CPXM2: variants seen among roughly 807,000 people sequenced by gnomAD.
CPXM2 encodes carboxypeptidase X, M14 family member 2.
In CPXM2, 66 loss-of-function variants were observed where a neutral mutation model predicts 86.1. The ratio of observed to expected loss-of-function variants is 0.77; its 90% CI spans 0.63 to 0.94. The LOEUF (loss-of-function observed/expected upper bound fraction) is 0.94. Ranked by LOEUF, CPXM2 falls within the 40% of genes least tolerant of loss-of-function variation. CPXM2 has a pLI of 0.00. For missense variants in CPXM2, 948 were observed against 1,026.3 expected (o/e 0.92, Z 1.04); for synonymous variants, 388 against 400.2 (o/e 0.97, Z 0.36).
At chr10:123,833,843 C>T (rs1848219688) in intron 4 of CPXM2, among the ~76,000 whole-genome samples, 1 of 152,176 alleles carries the variant, frequency 6.6e-6, no homozygotes, top group Admixed American at 6.5e-5. Context: ...GGGGTAGGGG[C>T]AGTGCTGGCA....
intron 13 of CPXM2, chr10:123,751,782 A>C (rs1781400897): frequency 1.0e-6 from 1 of 985,366 alleles, no homozygotes; most frequent in South Asian, 4.7e-5. Flanking sequence ...GAGAACCGAA[A>C]GATTCTGAAA....
intron 13 of CPXM2, among the ~76,000 whole-genome samples, chr10:123,749,519 CCTG>C (rs1260835268): frequency 2.6e-5 from 4 of 152,216 alleles, no homozygotes; most frequent in Non-Finnish European, 5.9e-5. Flanking sequence ...ACTCCCTAAA[CCTG>C]CTGTTATCGC....
At chr10:123,836,240 A>C (rs1336115234) in intron 4 of CPXM2, among the ~76,000 whole-genome samples, 2 of 152,026 alleles carry the variant, frequency 1.3e-5, no homozygotes, top group Non-Finnish European at 2.9e-5. Context: ...CCCTGACCCC[A>C]GTCATCAACT....
At position 123,761,923 on chromosome 10, in the gene CPXM2, G is replaced by T. The variant is rs1399087173; in HGVS notation, c.1726C>A (p.Gln576Lys). Reference protein sequence around the residue: ...RRRVCHTEDFQKEEGTVNGAS... With the variant: ...RRRVCHTEDFKKEEGTVNGAS... Reference sequence around the variant, plus strand: ...CCATTGACAGTGCCCTCCTCCTTCTGGAAGTCCTCCGTGTGGCACACCCTC... The same window carrying T: ...CCATTGACAGTGCCCTCCTCCTTCTTGAAGTCCTCCGTGTGGCACACCCTC... Residue 576 changes from glutamine to lysine, a missense_variant, in exon 11 of 14, where the codon CAG becomes AAG. Coordinates refer to ENST00000241305, the MANE Select transcript of CPXM2 (RefSeq NM_198148.3). 1.2e-6 allele frequency: 2 copies of T among 1,613,780 alleles called. No individual in the cohort carries two copies. The highest frequency in any genetic ancestry group is 3.3e-5 in the Admixed American group (2 of 59,974).
intron 4 of CPXM2, among the ~76,000 whole-genome samples, chr10:123,840,945 T>G (rs112125301): frequency 0.028 from 4,326 of 152,322 alleles, 79 homozygotes; most frequent in African/African-American, 0.053. Context: ...TCTGATTTTA[T>G]TTGATTGCCA....
chr10:123,856,310 C>A (rs770561448), intron 3 of CPXM2, among the ~76,000 whole-genome samples: 49 of 152,210 alleles, frequency 3.2e-4, no homozygotes, highest in Admixed American at 2.0e-4. Context: ...CCCTCTGACA[C>A]GGCAGTGCTT....
chr10:123,765,286 C>CTATCTAATCT (rs1846442986), intron 10 of CPXM2, among the ~76,000 whole-genome samples: 1 of 152,208 alleles, frequency 6.6e-6, no homozygotes, highest in African/African-American at 2.4e-5. Context: ...GATTTCTTAT[C>CTATCTAATCT]TATCTAATCT....
chr10:123,783,182 A>T (rs1846973717), intron 6 of CPXM2, among the ~76,000 whole-genome samples: 1 of 152,284 alleles, frequency 6.6e-6, no homozygotes, highest in Non-Finnish European at 1.5e-5. Flanking sequence ...AAGAAGTAAC[A>T]AGAAATAGAA....
intron 3 of CPXM2, among the ~76,000 whole-genome samples, chr10:123,849,437 C>CTTTTTTT (rs11317738): frequency 9.1e-6 from 1 of 110,172 alleles, no homozygotes; most frequent in Non-Finnish European, 1.8e-5. Context: ...AACGTTCACT[C>CTTTTTTT]TTTTTTTTTT....
intron 2 of CPXM2, among the ~76,000 whole-genome samples, chr10:123,870,292 T>C (rs996428598): frequency 6.6e-6 from 1 of 152,148 alleles, no homozygotes; most frequent in Non-Finnish European, 1.5e-5. Flanking sequence ...TGCTTGATGG[T>C]GTTTGGGGTC....
At chr10:123,811,821 CAT>C (rs1270416879) in intron 4 of CPXM2, among the ~76,000 whole-genome samples, 1 of 151,188 alleles carries the variant, frequency 6.6e-6, no homozygotes, top group Admixed American at 6.6e-5. Flanking sequence ...GGCAAATAAA[CAT>C]AGGAAAGGAA....
intron 4 of CPXM2, among the ~76,000 whole-genome samples, chr10:123,804,558 G>A (rs1413761855): frequency 6.6e-6 from 1 of 152,092 alleles, no homozygotes; most frequent in East Asian, 1.9e-4. Context: ...TTTGTACCCA[G>A]CTACCTTGTT....
At chr10:123,830,872 C>CTCTCTCTGTGTGTGTGTG (rs1258897184) in intron 4 of CPXM2, among the ~76,000 whole-genome samples, 182 of 142,802 alleles carry the variant, frequency 1.3e-3, no homozygotes, top group African/African-American at 4.4e-3. Flanking sequence ...CTCTCTCTCT[C>CTCTCTCTGTGTGTGTGTG]TGTGTGTGTG....
chr10:123,847,203 C>T (rs555899199), intron 3 of CPXM2, among the ~76,000 whole-genome samples: 224 of 152,284 alleles, frequency 1.5e-3, no homozygotes, highest in African/African-American at 5.2e-3. Flanking sequence ...TAAATTGATA[C>T]AGATCAATAT....
chr10:123,779,181 C>CT (rs1846876367), intron 7 of CPXM2, among the ~76,000 whole-genome samples: 1 of 152,246 alleles, frequency 6.6e-6, no homozygotes, highest in South Asian at 2.1e-4. Flanking sequence ...TCTGCATGTT[C>CT]TGTCTCTTCA....
intron 2 of CPXM2, among the ~76,000 whole-genome samples, chr10:123,871,071 G>A (rs910889800): frequency 1.3e-5 from 2 of 152,170 alleles, no homozygotes; most frequent in Non-Finnish European, 2.9e-5. Context: ...GAGTCAGCCC[G>A]GAGCCTCAGC....
intron 7 of CPXM2, among the ~76,000 whole-genome samples, chr10:123,775,539 T>A (rs1846765090): frequency 1.3e-5 from 2 of 152,038 alleles, no homozygotes; most frequent in African/African-American, 4.8e-5. Flanking sequence ...AACATCACCT[T>A]CCCTTGAGAT....
At chr10:123,787,218 A>C (rs1019304469) in intron 6 of CPXM2, among the ~76,000 whole-genome samples, 40 of 152,120 alleles carry the variant, frequency 2.6e-4, no homozygotes, top group Admixed American at 2.6e-3. Context: ...ACAGAGATGG[A>C]AAAGGGACAC....
Position 123,850,774 on chromosome 10 carries a change from G to A in CPXM2, c.514-8286C>T, listed in dbSNP as rs151003956. Reference sequence around the variant, plus strand: ...GTATGCTGACGCTGCTAAGATCTACGGTAAGAATGAATTTTCTACCTGTGA... The same window carrying A: ...GTATGCTGACGCTGCTAAGATCTACAGTAAGAATGAATTTTCTACCTGTGA... On this transcript the variant is annotated intron_variant, in intron 3 of 13. Coordinates refer to ENST00000241305, the MANE Select transcript of CPXM2 (RefSeq NM_198148.3). Among the ~76,000 whole-genome samples, 7 of 152,186 alleles carry A rather than the reference G, an allele frequency of 4.6e-5. No individual in the cohort carries two copies. In the South Asian group the frequency reaches 6.2e-4, roughly 14 times the overall value.
Sources: gnomAD v4.1 joint callset for allele counts (sites outside exome capture counted in the v4.1 genomes callset) on GRCh38, gnomAD v4.1.1 for gene constraint, MANE v1.5 for transcripts, NCBI Gene and HGNC (gene_info 2026-07-23, HGNC 2026-07-21) for gene names.